The following MOB3B variants were observed in gnomAD, a reference collection of about 807,000 sequenced individuals.
The protein encoded by MOB3B is MOB kinase activator 3B.
In MOB3B, 7 loss-of-function variants were observed where a neutral mutation model predicts 18.7. The observed-to-expected ratio is 0.37, with a 90% CI of 0.21 to 0.70. MOB3B has a LOEUF of 0.70. Among genes scored for constraint, MOB3B ranks in the 30% least tolerant of loss-of-function variants. The probability of loss-of-function intolerance (pLI) is 0.52; values close to 1 mark genes in which losing one functional copy is unlikely to be tolerated. For missense variants in MOB3B, 253 were observed against 281.3 expected (o/e 0.90, Z 0.72); for synonymous variants, 111 against 99.9 (o/e 1.11, Z -0.66).
chr9:27,411,377 G>T (rs1220584533), intron 2 of MOB3B, among the ~76,000 whole-genome samples: 2 of 152,200 alleles, frequency 1.3e-5, no homozygotes, highest in Admixed American at 1.3e-4. Flanking sequence ...AATTGTTTCA[G>T]CTAGGGCTTG....
At chr9:27,419,655 T>A (rs763011556) in intron 2 of MOB3B, among the ~76,000 whole-genome samples, 3 of 152,120 alleles carry the variant, frequency 2.0e-5, no homozygotes, top group African/African-American at 7.2e-5. Context: ...AAAATCAACT[T>A]AAGACGGATT....
intron 2 of MOB3B, among the ~76,000 whole-genome samples, chr9:27,446,101 C>T (rs1822687081): frequency 6.6e-6 from 1 of 152,178 alleles, no homozygotes; most frequent in Non-Finnish European, 1.5e-5. Flanking sequence ...TTCAGTTAGA[C>T]ACATCACTAA....
chr9:27,358,999 T>G (rs1333850565), intron 3 of MOB3B, 35 bp downstream of exon 3: 1 of 1,603,728 alleles, frequency 6.2e-7, no homozygotes, highest in Admixed American at 1.7e-5. Flanking sequence ...GCTCCTGGGG[T>G]GACTTGGATA....
intron 1 of MOB3B, among the ~76,000 whole-genome samples, chr9:27,521,209 G>A (rs1820319276): frequency 6.6e-6 from 1 of 152,082 alleles, no homozygotes. Context: ...GGCCAGTGAC[G>A]GAAATGTCAT....
At chr9:27,478,505 G>A (rs1819595339) in intron 1 of MOB3B, among the ~76,000 whole-genome samples, 1 of 151,842 alleles carries the variant, frequency 6.6e-6, no homozygotes, top group Admixed American at 6.6e-5. Context: ...TTAAAGATGA[G>A]AAAAACATGT....
chr9:27,409,910 C>T (rs1478719379), intron 2 of MOB3B, among the ~76,000 whole-genome samples: 1 of 150,006 alleles, frequency 6.7e-6, no homozygotes, highest in East Asian at 2.0e-4. Context: ...TAGAGGTTAT[C>T]AGGGGCTGAG....
At chr9:27,524,836 A>G in intron 1 of MOB3B, 1 of 1,614,150 alleles carries the variant, frequency 6.2e-7, no homozygotes, top group Non-Finnish European at 8.5e-7. Context: ...AGATATTTCC[A>G]CAGGATAGAC....
At chr9:27,408,101 T>G (rs1822014178) in intron 2 of MOB3B, among the ~76,000 whole-genome samples, 2 of 152,170 alleles carry the variant, frequency 1.3e-5, no homozygotes, top group South Asian at 4.1e-4. Context: ...TGGCCGAGGC[T>G]GACACAGAAG....
chr9:27,387,352 C>A (rs147615380), intron 2 of MOB3B, among the ~76,000 whole-genome samples: 1 of 152,244 alleles, frequency 6.6e-6, no homozygotes, highest in East Asian at 1.9e-4. Context: ...TCATCAGATG[C>A]CTATCCCTCT....
intron 2 of MOB3B, among the ~76,000 whole-genome samples, chr9:27,406,686 C>T (rs1375915812): frequency 6.6e-6 from 1 of 152,136 alleles, no homozygotes; most frequent in Non-Finnish European, 1.5e-5. Context: ...TATCCATATG[C>T]AAAAGAATGA....
chr9:27,382,253 A>G (rs1366827266), intron 2 of MOB3B, among the ~76,000 whole-genome samples: 1 of 152,154 alleles, frequency 6.6e-6, no homozygotes, highest in East Asian at 1.9e-4. Flanking sequence ...GTACTGAAAA[A>G]AGCAAAAAAG....
chr9:27,495,772 G>C (rs1442871762), intron 1 of MOB3B, among the ~76,000 whole-genome samples: 4 of 152,174 alleles, frequency 2.6e-5, no homozygotes, highest in African/African-American at 9.7e-5. Flanking sequence ...AGTATTAAGT[G>C]CTTTATTGTT....
chr9:27,484,548 T>C (rs1819706812), intron 1 of MOB3B, among the ~76,000 whole-genome samples: 1 of 152,156 alleles, frequency 6.6e-6, no homozygotes, highest in Non-Finnish European at 1.5e-5. Context: ...CATAAAGAAT[T>C]TGAAAATATT....
intron 2 of MOB3B, among the ~76,000 whole-genome samples, chr9:27,366,387 C>T (rs1283630169): frequency 6.6e-6 from 1 of 152,138 alleles, no homozygotes; most frequent in East Asian, 1.9e-4. Flanking sequence ...GCACTTCAAC[C>T]CATTTTTCTT....
chr9:27,430,453 G>A (rs1472421793), intron 2 of MOB3B, among the ~76,000 whole-genome samples: 3 of 152,190 alleles, frequency 2.0e-5, no homozygotes, highest in African/African-American at 2.4e-5. Context: ...GGAGGACCAG[G>A]CGGGGAGGGT....
chr9:27,436,791 T>C (rs1822508262), intron 2 of MOB3B, among the ~76,000 whole-genome samples: 1 of 152,170 alleles, frequency 6.6e-6, no homozygotes, highest in African/African-American at 2.4e-5. Flanking sequence ...TTAGGCGGGT[T>C]ATCTAATAGA....
intron 1 of MOB3B, among the ~76,000 whole-genome samples, chr9:27,507,625 C>T (rs1337278379): frequency 1.3e-5 from 2 of 152,180 alleles, no homozygotes; most frequent in Non-Finnish European, 2.9e-5. Context: ...TACTTTGTCC[C>T]TTGATGCTTG....
chr9:27,496,267 T>A (rs974755644), intron 1 of MOB3B, among the ~76,000 whole-genome samples: 2 of 151,874 alleles, frequency 1.3e-5, no homozygotes, highest in Non-Finnish European at 2.9e-5. Context: ...TAGCAAAGTC[T>A]GGTTTTATTG....
chr9:27,409,248 T>C (rs544110073), intron 2 of MOB3B, among the ~76,000 whole-genome samples: 3 of 152,336 alleles, frequency 2.0e-5, no homozygotes, highest in African/African-American at 4.8e-5. Context: ...GCTCCTTCCC[T>C]TGTGGAGCTG....
Sources: gnomAD v4.1 joint callset for allele counts (sites outside exome capture counted in the v4.1 genomes callset) on GRCh38, gnomAD v4.1.1 for gene constraint, MANE v1.5 for transcripts, NCBI Gene and HGNC (gene_info 2026-07-23, HGNC 2026-07-21) for gene names.